Variants in DAD1 observed in about 807,000 individuals in gnomAD.
The protein encoded by DAD1 is dolichyl-diphosphooligosaccharide--protein glycosyltransferase subunit DAD1.
A neutral mutation model predicts 9.0 loss-of-function variants in DAD1; 4 were observed. That is an observed-to-expected ratio of 0.44 (90% CI 0.22 to 1.01). The LOEUF (loss-of-function observed/expected upper bound fraction) is 1.01, where lower values mean the gene tolerates loss of function less well. Ranked by LOEUF, DAD1 falls within the 50% of genes least tolerant of loss-of-function variation. The pLI is 0.24. For missense variants in DAD1, 119 were observed against 137.3 expected (o/e 0.87, Z 0.67); for synonymous variants, 60 against 62.5 (o/e 0.96, Z 0.19).
intron 1 of DAD1, among the ~76,000 whole-genome samples, chr14:22,577,383 G>A (rs887975777): frequency 6.6e-6 from 1 of 152,144 alleles, no homozygotes; most frequent in African/African-American, 2.4e-5. Context: ...GCAGTGAGCC[G>A]ACATCACTCC....
intron 2 of DAD1, among the ~76,000 whole-genome samples, chr14:22,568,091 T>A (rs1001497975): frequency 3.3e-5 from 5 of 151,824 alleles, no homozygotes; most frequent in Admixed American, 6.5e-5. Flanking sequence ...AATATAAAGG[T>A]TTAGAGTCCA....
At chr14:22,586,521 A>AAAAAAGAGCAAAACTCCATCTC in intron 1 of DAD1, among the ~76,000 whole-genome samples, 1 of 152,122 alleles carries the variant, frequency 6.6e-6, no homozygotes, top group East Asian at 1.9e-4. Flanking sequence ...CCAGCCTGAG[A>AAAAAAGAGCAAAACTCCATCTC]AAAAAGAGCA....
chr14:22,575,242 G>A lies in DAD1; in HGVS notation c.212-9C>T, dbSNP rs553429148. 5 of 1,612,344 alleles carry A rather than the reference G, an allele frequency of 3.1e-6. No homozygotes were observed. The highest frequency in any genetic ancestry group is 4.2e-6 in the Non-Finnish European group (5 of 1,179,318). On this transcript the variant is annotated splice_polypyrimidine_tract_variant and intron_variant, in intron 1 of 2. Coordinates refer to ENST00000250498, the MANE Select transcript of DAD1 (RefSeq NM_001344.4). Reference sequence around the variant, plus strand: ...CTGTATTCTCAGGCAAACTGCACAAGAAGCAAAACACAAAAAAATGATTAT... The same window carrying A: ...CTGTATTCTCAGGCAAACTGCACAAAAAGCAAAACACAAAAAAATGATTAT...
intron 1 of DAD1, among the ~76,000 whole-genome samples, chr14:22,581,466 G>C (rs1055938029): frequency 6.6e-6 from 1 of 152,236 alleles, no homozygotes; most frequent in East Asian, 1.9e-4. Flanking sequence ...CAGACGCCAG[G>C]CATGGTGGCT....
intron 2 of DAD1, among the ~76,000 whole-genome samples, chr14:22,570,145 A>T (rs2037028334): frequency 6.6e-6 from 1 of 152,106 alleles, no homozygotes; most frequent in Admixed American, 6.5e-5. Context: ...AATGAAATAA[A>T]AACTAAATGG....
chr14:22,582,358 CA>C (rs558611163), intron 1 of DAD1, among the ~76,000 whole-genome samples: 6,764 of 110,924 alleles, frequency 0.061, 446 homozygotes, highest in African/African-American at 0.17. Flanking sequence ...CTAAAAAATA[CA>C]AAAAAAAAAA....
At chr14:22,566,151 T>C (rs1157180402) in intron 2 of DAD1, among the ~76,000 whole-genome samples, 1 of 152,164 alleles carries the variant, frequency 6.6e-6, no homozygotes, top group Non-Finnish European at 1.5e-5. Flanking sequence ...GCTACATAAT[T>C]GCAGAACATT....
At chr14:22,587,553 G>A (rs1289445837) in intron 1 of DAD1, among the ~76,000 whole-genome samples, 1 of 152,088 alleles carries the variant, frequency 6.6e-6, no homozygotes, top group Non-Finnish European at 1.5e-5. Context: ...GGTCATCTAG[G>A]ACAAAAGTCA....
At chr14:22,575,703 A>G (rs372062454) in intron 1 of DAD1, among the ~76,000 whole-genome samples, 15 of 152,230 alleles carry the variant, frequency 9.9e-5, no homozygotes, top group South Asian at 6.2e-4. Flanking sequence ...ATGCGCCACC[A>G]TGCCCGGCTA....
chr14:22,580,949 A>AT (rs1250901037), intron 1 of DAD1, among the ~76,000 whole-genome samples: 3 of 152,170 alleles, frequency 2.0e-5, no homozygotes, highest in Admixed American at 6.5e-5. Flanking sequence ...CAAAAAAAAA[A>AT]GCCTGTTCAA....
At chr14:22,585,122 C>T (rs1218245816) in intron 1 of DAD1, among the ~76,000 whole-genome samples, 3 of 152,228 alleles carry the variant, frequency 2.0e-5, no homozygotes, top group Non-Finnish European at 4.4e-5. Context: ...CCACAACAGC[C>T]TAATAGCTCC....
intron 2 of DAD1, among the ~76,000 whole-genome samples, chr14:22,569,891 A>C (rs2037026789): frequency 6.6e-6 from 1 of 152,208 alleles, no homozygotes; most frequent in Non-Finnish European, 1.5e-5. Context: ...AGGTCCAGCT[A>C]CACAGAAGCC....
chr14:22,583,704 T>G (rs2037133607), intron 1 of DAD1, among the ~76,000 whole-genome samples: 1 of 151,962 alleles, frequency 6.6e-6, no homozygotes, highest in African/African-American at 2.4e-5. Context: ...AACAGAGGAA[T>G]AATTGCAGAA....
intron 2 of DAD1, among the ~76,000 whole-genome samples, chr14:22,566,338 CT>C (rs10707937): frequency 6.1e-4 from 90 of 147,538 alleles, no homozygotes; most frequent in African/African-American, 6.9e-4. Context: ...AACATTACAG[CT>C]TTTTTTTTTT....
intron 1 of DAD1, among the ~76,000 whole-genome samples, chr14:22,579,672 T>A (rs1029239920): frequency 1.3e-5 from 2 of 152,096 alleles, no homozygotes; most frequent in Non-Finnish European, 2.9e-5. Flanking sequence ...TCTGAAAGTA[T>A]GTTTGTAAAG....
chr14:22,586,019 A>G (rs2037149667), intron 1 of DAD1, among the ~76,000 whole-genome samples: 1 of 151,958 alleles, frequency 6.6e-6, no homozygotes, highest in Admixed American at 6.5e-5. Flanking sequence ...ATCCTGGCTA[A>G]CACGATGAAA....
At chr14:22,577,114 T>A (rs566117399) in intron 1 of DAD1, among the ~76,000 whole-genome samples, 3 of 152,160 alleles carry the variant, frequency 2.0e-5, no homozygotes, top group Non-Finnish European at 4.4e-5. Flanking sequence ...CAATTCCACT[T>A]CTGGGTACAT....
At position 22,587,707 on chromosome 14, in the gene DAD1, C is replaced by T. The variant is rs2037162871; in HGVS notation, c.211+1240G>A. 3.3e-5 allele frequency among the ~76,000 whole-genome samples: 5 copies of T among 151,362 alleles called. No individual in the cohort carries two copies. In the South Asian group the frequency reaches 1.0e-3, roughly 32 times the overall value. ...AATGTACAATAAGCATTCTATAGGTCTGTAACTTTAAGCACAGCACCACTG... is the reference window on the plus strand; with the variant it reads ...AATGTACAATAAGCATTCTATAGGTTTGTAACTTTAAGCACAGCACCACTG... On this transcript the variant is annotated intron_variant, in intron 1 of 2. Coordinates refer to ENST00000250498, the MANE Select transcript of DAD1 (RefSeq NM_001344.4).
chr14:22,571,860 C>T (rs2037043535), intron 2 of DAD1, among the ~76,000 whole-genome samples: 1 of 152,002 alleles, frequency 6.6e-6, no homozygotes, highest in Non-Finnish European at 1.5e-5. Flanking sequence ...AAACTCCTGA[C>T]CTCAGGTGAT....
Sources: allele counts gnomAD v4.1 joint callset (sites outside exome capture counted in the v4.1 genomes callset), GRCh38; gene constraint gnomAD v4.1.1; transcripts MANE v1.5; gene names NCBI Gene and HGNC (gene_info 2026-07-23, HGNC 2026-07-21).